The following ARHGEF26 variants were observed in gnomAD, a reference collection of about 807,000 sequenced individuals.
ARHGEF26 encodes the protein Rho guanine nucleotide exchange factor 26, also known as Rho guanine nucleotide exchange factor (GEF) 26.
ARHGEF26 carries 59 observed loss-of-function variants against 89.4 expected under a neutral mutation model. That is an observed-to-expected ratio of 0.66 (90% CI 0.54 to 0.82). The LOEUF is 0.82. Among genes scored for constraint, ARHGEF26 ranks in the 40% least tolerant of loss-of-function variants. ARHGEF26 has a pLI of 0.00. For synonymous variants in ARHGEF26, 500 were observed against 428.4 expected (o/e 1.17, Z -2.06); for missense variants, 1,234 against 1,085.6 (o/e 1.14, Z -1.92).
intron 7 of ARHGEF26, among the ~76,000 whole-genome samples, chr3:154,189,034 A>G (rs1302524621): frequency 6.6e-6 from 1 of 152,108 alleles, no homozygotes; most frequent in African/African-American, 2.4e-5. Flanking sequence ...AGGTCCCCTG[A>G]GGGTAAAACC....
chr3:154,242,795 A>G (rs1717548587), intron 12 of ARHGEF26, among the ~76,000 whole-genome samples: 1 of 152,026 alleles, frequency 6.6e-6, no homozygotes, highest in Non-Finnish European at 1.5e-5. Flanking sequence ...ACCTTCAGCA[A>G]CCATCACCCT....
At chr3:154,253,404 C>A (rs1166452688) in intron 13 of ARHGEF26, among the ~76,000 whole-genome samples, 1 of 152,210 alleles carries the variant, frequency 6.6e-6, no homozygotes, top group Non-Finnish European at 1.5e-5. Context: ...CGTGTCAAAT[C>A]ATTGCTTAGC....
intron 12 of ARHGEF26, among the ~76,000 whole-genome samples, chr3:154,251,919 T>C (rs1718179638): frequency 6.6e-6 from 1 of 152,218 alleles, no homozygotes; most frequent in African/African-American, 2.4e-5. Flanking sequence ...TACACGCTTA[T>C]GATTAACTCA....
At chr3:154,164,957 A>AT (rs1711917244) in intron 6 of ARHGEF26, among the ~76,000 whole-genome samples, 1 of 152,190 alleles carries the variant, frequency 6.6e-6, no homozygotes, top group Non-Finnish European at 1.5e-5. Flanking sequence ...AAGTTATGAA[A>AT]TTATTCTCTT....
At chr3:154,211,732 T>A (rs569328509) in intron 9 of ARHGEF26, among the ~76,000 whole-genome samples, 9 of 152,344 alleles carry the variant, frequency 5.9e-5, no homozygotes, top group African/African-American at 2.2e-4. Flanking sequence ...ATTATCTTAG[T>A]TGGCCTTGGG....
chr3:154,212,914 T>C (rs1291171853), intron 9 of ARHGEF26, among the ~76,000 whole-genome samples: 1 of 152,188 alleles, frequency 6.6e-6, no homozygotes, highest in Non-Finnish European at 1.5e-5. Flanking sequence ...TTCTAAGTTG[T>C]GCTCCATTGA....
intron 11 of ARHGEF26, among the ~76,000 whole-genome samples, chr3:154,230,753 G>T (rs1261967743): frequency 1.3e-5 from 2 of 151,856 alleles, no homozygotes; most frequent in Non-Finnish European, 2.9e-5. Context: ...TTGAGCCCTG[G>T]TTACAACTTT....
At chr3:154,149,365 A>C in intron 4 of ARHGEF26, 24 bp from the exon 5 acceptor site, 1 of 1,586,678 alleles carries the variant, frequency 6.3e-7, no homozygotes, top group Non-Finnish European at 8.6e-7. Flanking sequence ...AAATGAGTCA[A>C]CTCTACTTTG....
At chr3:154,198,128 A>G (rs988254197) in intron 9 of ARHGEF26, among the ~76,000 whole-genome samples, 3 of 152,174 alleles carry the variant, frequency 2.0e-5, no homozygotes, top group African/African-American at 7.2e-5. Flanking sequence ...ACAAACGTGA[A>G]AAAATGCTCA....
At chr3:154,133,641 G>T (rs951100446) in intron 4 of ARHGEF26, among the ~76,000 whole-genome samples, 2 of 151,934 alleles carry the variant, frequency 1.3e-5, no homozygotes, top group African/African-American at 4.8e-5. Flanking sequence ...GTCAGGTAGT[G>T]TGATGCCTCC....
intron 9 of ARHGEF26, among the ~76,000 whole-genome samples, chr3:154,216,972 G>T (rs1576791617): frequency 1.2e-5 from 1 of 85,828 alleles, no homozygotes; most frequent in East Asian, 3.8e-4. Context: ...CTTTGCTATT[G>T]TGAATAATGC....
intron 6 of ARHGEF26, among the ~76,000 whole-genome samples, chr3:154,153,155 A>C (rs1720126429): frequency 6.6e-6 from 1 of 152,072 alleles, no homozygotes; most frequent in Non-Finnish European, 1.5e-5. Context: ...AAGTTATGTT[A>C]TTCCTCTTTC....
At chr3:154,253,235 C>A in intron 13 of ARHGEF26, 52 bp downstream of exon 13, 2 of 1,597,818 alleles carry the variant, frequency 1.3e-6, no homozygotes, top group Non-Finnish European at 8.6e-7. Flanking sequence ...GGCTCTGCCC[C>A]CTGCTGGACG....
intron 4 of ARHGEF26, among the ~76,000 whole-genome samples, chr3:154,140,502 T>C (rs956107183): frequency 6.6e-6 from 1 of 152,176 alleles, no homozygotes; most frequent in Non-Finnish European, 1.5e-5. Flanking sequence ...TGGGCTTTTT[T>C]TTCTTCTCAT....
rs1713205079 is a variant in ARHGEF26 at position 154,181,861 on chromosome 3, TG to T, written c.1488-5821del. Among the ~76,000 whole-genome samples, 7 of 152,308 alleles carry T rather than the reference TG, an allele frequency of 4.6e-5. No homozygotes were observed. The South Asian group carries it at 1.5e-3, about 32-fold the overall frequency. Reference sequence around the variant, plus strand: ...GCAAGGTAGAGACTGACCCAATTTGTGGGCATTACTTTCTTAGTAAAATAAT... The same window carrying T: ...GCAAGGTAGAGACTGACCCAATTTGTGGCATTACTTTCTTAGTAAAATAAT... On this transcript the variant is annotated intron_variant, in intron 6 of 14. Coordinates refer to ENST00000465093, the MANE Select transcript of ARHGEF26 (RefSeq NM_015595.4).
rs551828548 is a variant in ARHGEF26 at position 154,122,236 on chromosome 3, C to G, written c.244C>G (p.Leu82Val). The G allele has an allele frequency of 1.2e-6, 2 of 1,610,646 alleles. No homozygotes were observed. Among genetic ancestry groups the G allele is most frequent in the Admixed American group, 1.7e-5 (1 of 59,648 alleles). Residue 82 changes from leucine (L) to valine (V), a missense_variant, in exon 2 of 15, where the codon CTG becomes GTG. Transcript: ENST00000465093. ...SDSRTVHRSP[L>V]LLGAQRRAVA... ...CAGCAGGACGGTACATAGGAGCCCC[C>G]TGCTTCTGGGCGCCCAGCGGAGAGC...
intron 12 of ARHGEF26, among the ~76,000 whole-genome samples, chr3:154,252,725 AAGC>A (rs1030578270): frequency 2.6e-5 from 4 of 152,166 alleles, no homozygotes; most frequent in African/African-American, 9.7e-5. Flanking sequence ...AGTGGGGAGG[AAGC>A]AGAGAAATTA....
At chr3:154,237,575 T>TACACACACACACACAC (rs1322838552) in intron 11 of ARHGEF26, among the ~76,000 whole-genome samples, 1 of 58,256 alleles carries the variant, frequency 1.7e-5, no homozygotes, top group Non-Finnish European at 3.4e-5. Flanking sequence ...CACACACACT[T>TACACACACACACACAC]AACTAGTTTA....
At chr3:154,171,030 A>C (rs1289653892) in intron 6 of ARHGEF26, among the ~76,000 whole-genome samples, 2 of 152,140 alleles carry the variant, frequency 1.3e-5, no homozygotes, top group Admixed American at 6.5e-5. Flanking sequence ...GAAATGGGAG[A>C]GGAACAGGTT....
Sources: allele counts gnomAD v4.1 joint callset (sites outside exome capture counted in the v4.1 genomes callset), GRCh38; gene constraint gnomAD v4.1.1; transcripts MANE v1.5; gene names NCBI Gene and HGNC (gene_info 2026-07-23, HGNC 2026-07-21).